Variants in GALNT18 observed in about 807,000 individuals in gnomAD.
GALNT18 encodes the protein GalNAc-transferase 18.
Under a neutral mutation model 69.5 loss-of-function variants are expected in GALNT18, and 44 were observed. The ratio of observed to expected loss-of-function variants is 0.63; its 90% CI spans 0.50 to 0.81. GALNT18 has a LOEUF of 0.81. Ranked by LOEUF, GALNT18 falls within the 40% of genes least tolerant of loss-of-function variation. The probability of loss-of-function intolerance (pLI) is 0.00; values close to 1 mark genes in which losing one functional copy is unlikely to be tolerated. For missense variants in GALNT18, 715 were observed against 810.0 expected (o/e 0.88, Z 1.42); for synonymous variants, 364 against 318.2 (o/e 1.14, Z -1.53).
chr11:11,297,454 G>A (rs1419342988), intron 9 of GALNT18, among the ~76,000 whole-genome samples: 3 of 152,080 alleles, frequency 2.0e-5, no homozygotes, highest in African/African-American at 4.8e-5. Context: ...GATTTACAGC[G>A]AGGCAGTTTA....
chr11:11,469,728 G>A lies in GALNT18; in HGVS notation c.236-20792C>T, dbSNP rs547041059. Reference sequence around the variant, plus strand: ...AAAGGTGGACTGTGAGTTGGTTGTTGGGGAATGAGTATAGGCTCCCTTAGG... The same window carrying A: ...AAAGGTGGACTGTGAGTTGGTTGTTAGGGAATGAGTATAGGCTCCCTTAGG... On this transcript the variant is annotated intron_variant, in intron 1 of 10. Transcript: ENST00000227756. This position sits in a 1 kb window ranked among gnomAD's most constrained non-coding sequence, Gnocchi z 4.2. Among the ~76,000 whole-genome samples the A allele has an allele frequency of 1.3e-5, 2 of 152,308 alleles. No homozygotes were observed. The highest frequency in any genetic ancestry group is 3.9e-4 in the East Asian group (2 of 5,178).
rs144391873 is a variant in GALNT18, at chr11:11,452,362, G to C, written c.236-3426C>G. On this transcript the variant is annotated intron_variant, in intron 1 of 10. Coordinates refer to ENST00000227756, the MANE Select transcript of GALNT18 (RefSeq NM_198516.3). ...TGCCTTCTTCATAGAACATGTGTGAGGATAAATGAGATGGTCAGGTAAGGA... is the reference window on the plus strand; with the variant it reads ...TGCCTTCTTCATAGAACATGTGTGACGATAAATGAGATGGTCAGGTAAGGA... Among the ~76,000 whole-genome samples, 74 of 152,344 alleles carry C rather than the reference G, an allele frequency of 4.9e-4. 1 individual carries two copies. The highest frequency in any genetic ancestry group is 3.4e-3 in the Middle Eastern group (1 of 294).
chr11:11,450,086 G>C (rs1855758024), intron 1 of GALNT18, among the ~76,000 whole-genome samples: 1 of 152,180 alleles, frequency 6.6e-6, no homozygotes, highest in Admixed American at 6.5e-5. Context: ...GAACTGGCAA[G>C]CCCACTGGAC....
intron 1 of GALNT18, among the ~76,000 whole-genome samples, chr11:11,570,424 G>A (rs766327376): frequency 1.3e-5 from 2 of 152,186 alleles, no homozygotes; most frequent in African/African-American, 4.8e-5. Flanking sequence ...CTCTGCGCAC[G>A]ACCCAAGCCT....
At chr11:11,475,177 T>C (rs560663592) in intron 1 of GALNT18, 2 of 99,174 alleles carry the variant, frequency 2.0e-5, no homozygotes, top group Non-Finnish European at 2.0e-5. Flanking sequence ...CCAAACAAGA[T>C]CTCTTCTTTC....
chr11:11,315,060 GTGTATGTGTGTA>G lies in GALNT18; in HGVS notation c.1512+12014_1512+12025del, dbSNP rs1278864350. Among the ~76,000 whole-genome samples, 176 of 150,620 alleles carry G rather than the reference GTGTATGTGTGTA, an allele frequency of 1.2e-3. 1 individual carries two copies. The highest frequency in any genetic ancestry group is 4.1e-3 in the African/African-American group (168 of 40,762). On this transcript the variant is annotated intron_variant, in intron 9 of 10. Coordinates refer to ENST00000227756, the MANE Select transcript of GALNT18 (RefSeq NM_198516.3). The surrounding 1 kb of genome is among the most constrained non-coding windows in gnomAD (Gnocchi z 5.6). ...TATATGTGTGTGTGTGTGTGTGTGT[GTGTATGTGTGTA>G]TATATGTGTACATACAGAAGTAAAT...
At chr11:11,284,160 G>A (rs1311746668) in intron 10 of GALNT18, among the ~76,000 whole-genome samples, 2 of 152,194 alleles carry the variant, frequency 1.3e-5, no homozygotes, top group Non-Finnish European at 2.9e-5. Flanking sequence ...CGTAGACTGG[G>A]GCGTGTGGAA....
chr11:11,277,394 CTCT>C (rs1256729477), intron 10 of GALNT18, among the ~76,000 whole-genome samples: 2 of 152,044 alleles, frequency 1.3e-5, no homozygotes, highest in African/African-American at 4.8e-5. Context: ...TTTGATTCTT[CTCT>C]TTTTTTTGTT....
chr11:11,496,671 A>G lies in GALNT18; in HGVS notation c.236-47735T>C, dbSNP rs1326319225. On this transcript the variant is annotated intron_variant, in intron 1 of 10. Transcript: ENST00000227756. This position sits in a 1 kb window ranked among gnomAD's most constrained non-coding sequence, Gnocchi z 4.0. ...ACCAGGAAGGAAGGGCAGGACCTGC[A>G]GGGCAAGCTGATGGGAAACACTGAG... Among the ~76,000 whole-genome samples the G allele has an allele frequency of 6.6e-6, 1 of 151,504 alleles. No homozygotes were observed. The highest frequency in any genetic ancestry group is 1.5e-5 in the Non-Finnish European group (1 of 67,928).
rs559839307 is a variant in GALNT18 at position 11,339,926 on chromosome 11, C to T, written c.1278+893G>A. ...CACTTTGAGCGAAGATCAATCACTT[C>T]CCCATTAGAAGCTTCCTAAAGGACT... On this transcript the variant is annotated intron_variant, in intron 7 of 10. Transcript: ENST00000227756. This position sits in a 1 kb window ranked among gnomAD's most constrained non-coding sequence, Gnocchi z 5.2. 3.3e-5 allele frequency among the ~76,000 whole-genome samples: 5 copies of T among 152,276 alleles called. No individual in the cohort carries two copies. The South Asian group carries it at 1.0e-3, about 32-fold the overall frequency.
chr11:11,353,202 A>G, intron 6 of GALNT18: 2 of 1,556,884 alleles, frequency 1.3e-6, no homozygotes, highest in Non-Finnish European at 8.8e-7. Flanking sequence ...TGGGGGTAAG[A>G]CCTTGTTTCA....
intron 1 of GALNT18, among the ~76,000 whole-genome samples, chr11:11,537,487 A>T (rs1286857645): frequency 6.6e-6 from 1 of 152,174 alleles, no homozygotes; most frequent in African/African-American, 2.4e-5. Context: ...CTAGACAGGG[A>T]GCTGAGAAGA....
At chr11:11,289,478 T>A (rs1849259148) in intron 10 of GALNT18, among the ~76,000 whole-genome samples, 2 of 152,124 alleles carry the variant, frequency 1.3e-5, no homozygotes, top group Non-Finnish European at 2.9e-5. Flanking sequence ...TAAACAGGAA[T>A]CGTGTGGGGC....
chr11:11,609,988 C>T (rs1008069648), intron 1 of GALNT18, among the ~76,000 whole-genome samples: 6 of 152,120 alleles, frequency 3.9e-5, no homozygotes, highest in African/African-American at 9.7e-5. Context: ...GATGCTAAGC[C>T]TGCTCCTGGG....
chr11:11,525,917 A>T (rs1411392992), intron 1 of GALNT18, among the ~76,000 whole-genome samples: 1 of 152,082 alleles, frequency 6.6e-6, no homozygotes, highest in Non-Finnish European at 1.5e-5. Flanking sequence ...TACACTCATG[A>T]GCCACCGTGC....
intron 10 of GALNT18, among the ~76,000 whole-genome samples, chr11:11,271,673 C>T (rs556674102): frequency 2.8e-4 from 42 of 150,934 alleles, no homozygotes; most frequent in African/African-American, 1.0e-3. Flanking sequence ...ATTTGAGCAT[C>T]ACCAGAGGCC....
In GALNT18 at chr11:11,270,972, A is replaced by G. The variant is rs993764472; in HGVS notation, c.*172T>C. On this transcript the variant is annotated 3_prime_UTR_variant, in exon 11 of 11. Transcript: ENST00000227756. ...GTTTGATATCATACCATCACCTACC[A>G]ATCAGCATCTTTCTATAAACTCCAT... The G allele has an allele frequency of 9.2e-6, 5 of 545,528 alleles. No individual in the cohort carries two copies. The highest frequency in any genetic ancestry group is 9.1e-5 in the Admixed American group (3 of 32,816). The allele number at this position is 545,528 out of a possible 1,614,324, so 33.8% of individuals were successfully genotyped here.
At position 11,342,539 on chromosome 11, in the gene GALNT18, G is replaced by A. The variant is rs116743964; in HGVS notation, c.1093-1535C>T. Among the ~76,000 whole-genome samples, 133 of 152,328 alleles carry A rather than the reference G, an allele frequency of 8.7e-4. 2 individuals are homozygous for A. Among genetic ancestry groups the A allele is most frequent in the African/African-American group, 2.9e-3 (120 of 41,576 alleles). On this transcript the variant is annotated intron_variant, in intron 6 of 10. Coordinates refer to ENST00000227756, the MANE Select transcript of GALNT18 (RefSeq NM_198516.3). Reference sequence around the variant, plus strand: ...CCTTTCACCCATCCATGTCACACCAGTTGGCCCCTATAGGCTCTAGGCTGT... The same window carrying A: ...CCTTTCACCCATCCATGTCACACCAATTGGCCCCTATAGGCTCTAGGCTGT...
In GALNT18 at chr11:11,546,872, G is replaced by C. The variant is rs73407880; in HGVS notation, c.235+74487C>G. 6.6e-6 allele frequency among the ~76,000 whole-genome samples: 1 copy of C among 152,086 alleles called. No homozygotes were observed. The highest frequency in any genetic ancestry group is 6.5e-5 in the Admixed American group (1 of 15,268). On this transcript the variant is annotated intron_variant, in intron 1 of 10. Coordinates refer to ENST00000227756, the MANE Select transcript of GALNT18 (RefSeq NM_198516.3). This position sits in a 1 kb window ranked among gnomAD's most constrained non-coding sequence, Gnocchi z 5.8. ...GTGTGGGTGGGCAGATGAGTAAGTG[G>C]GTGGGAGATGTGTATGGATGAATGG...
Sources: allele counts gnomAD v4.1 joint callset (sites outside exome capture counted in the v4.1 genomes callset), GRCh38; gene constraint gnomAD v4.1.1; non-coding constraint Gnocchi (gnomAD v3.1); transcripts MANE v1.5; gene names NCBI Gene and HGNC (gene_info 2026-07-23, HGNC 2026-07-21).